Variants in TRIM67 observed in about 807,000 individuals in gnomAD.
The protein encoded by TRIM67 is tripartite motif-containing protein 67.
In TRIM67, 39 loss-of-function variants were observed where a neutral mutation model predicts 71.0. The observed-to-expected ratio is 0.55, with a 90% confidence interval of 0.43 to 0.72. The LOEUF (loss-of-function observed/expected upper bound fraction) is 0.72. Among genes scored for constraint, TRIM67 ranks in the 30% least tolerant of loss-of-function variants. The probability of loss-of-function intolerance (pLI) is 0.00; values close to 1 mark genes in which losing one functional copy is unlikely to be tolerated. For synonymous variants in TRIM67, 481 were observed against 473.9 expected, an observed-to-expected ratio of 1.01 and a Z score of -0.19; for missense variants, 973 against 1,079.2, an observed-to-expected ratio of 0.90 and a Z score of 1.38.
rs1683072090 is a variant in TRIM67 at position 231,186,234 on chromosome 1, A to G, written c.1045-11137A>G. On this transcript the variant is annotated intron_variant, in intron 1 of 9. Coordinates refer to ENST00000366653, the MANE Select transcript of TRIM67 (RefSeq NM_001004342.5). The stretch of plus-strand genomic sequence containing the variant: ...AAGGGCCAGAAGGAGAGACAAGAGT[A>G]CATTCTGGCAAAAGCAGGATTTCTT... 2.9e-6 allele frequency: 4 copies of G among 1,376,576 alleles called. No homozygotes were observed. In the African/African-American group the frequency reaches 4.4e-5, roughly 15 times the overall value. The allele number at this position is 1,376,576 out of a possible 1,614,324, so 85.3% of individuals were successfully genotyped here.
intron 1 of TRIM67, chr1:231,185,257 C>T (rs1326759805): frequency 1.3e-6 from 2 of 1,525,510 alleles, no homozygotes; most frequent in Non-Finnish European, 8.8e-7. Flanking sequence ...GGAGTCTCCC[C>T]TCACCCCTGG....
Position 231,169,993 on chromosome 1 carries a change from C to CTTTTTTTTTTTTTTTT in TRIM67, c.1044+5990_1044+5991insTTTTTTTTTTTTTTTT, listed in dbSNP as rs369558747. ...CTTTAAAATGTTTTTTTCTTTCTCT[C>CTTTTTTTTTTTTTTTT]TTTTTTTTTTGAGTTGGAGTTTCAC... On this transcript the variant is annotated intron_variant, in intron 1 of 9. Transcript: ENST00000366653. Among the ~76,000 whole-genome samples the CTTTTTTTTTTTTTTTT allele has an allele frequency of 3.3e-4, 45 of 136,122 alleles. 1 individual carries two copies. Among genetic ancestry groups the CTTTTTTTTTTTTTTTT allele is most frequent in the African/African-American group, 1.2e-3 (37 of 30,938 alleles). 89.3% of individuals were successfully genotyped at this position (136,122 alleles called of 152,430 possible).
chr1:231,192,867 C>A lies in TRIM67; in HGVS notation c.1045-4504C>A, dbSNP rs558089664. On this transcript the variant is annotated intron_variant, in intron 1 of 9. Coordinates refer to ENST00000366653, the MANE Select transcript of TRIM67 (RefSeq NM_001004342.5). The stretch of plus-strand genomic sequence containing the variant: ...GACCTGGAAGCAGTGTCCGCTGAAC[C>A]GTGAGACTGTCCCCCTTTCAGCCAG... 1.5e-3 allele frequency among the ~76,000 whole-genome samples: 233 copies of A among 152,336 alleles called. 1 individual carries two copies. Among genetic ancestry groups the A allele is most frequent in the Admixed American group, 4.1e-3 (62 of 15,304 alleles).
chr1:231,175,012 A>G (rs1682708342), intron 1 of TRIM67, among the ~76,000 whole-genome samples: 1 of 152,214 alleles, frequency 6.6e-6, no homozygotes, highest in Admixed American at 6.5e-5. Context: ...TGTTTGGATC[A>G]AGAAACAGAG....
intron 1 of TRIM67, among the ~76,000 whole-genome samples, chr1:231,188,156 C>A (rs1683136414): frequency 6.6e-6 from 1 of 152,156 alleles, no homozygotes; most frequent in Non-Finnish European, 1.5e-5. Context: ...CTATTCAAGG[C>A]AGTCTTGGTT....
chr1:231,215,997 C>T lies in TRIM67; in HGVS notation c.*557C>T. The stretch of plus-strand genomic sequence containing the variant: ...GCACCTGCCACTTGCAGACCCAATG[C>T]AGGATTGATAGAAAGGGACATTAAT... On this transcript the variant is annotated 3_prime_UTR_variant, in exon 10 of 10. Transcript: ENST00000366653. 1.0e-6 allele frequency: 1 copy of T among 985,790 alleles called. No individual in the cohort carries two copies. Among genetic ancestry groups the T allele is most frequent in the Non-Finnish European group, 1.2e-6 (1 of 830,214 alleles). 61.1% of individuals were successfully genotyped at this position (985,790 alleles called of 1,614,324 possible).
intron 5 of TRIM67, among the ~76,000 whole-genome samples, chr1:231,201,939 G>A (rs1683536708): frequency 6.6e-6 from 1 of 152,258 alleles, no homozygotes. Flanking sequence ...TTGGATGGTG[G>A]CAGGTGCTAT....
In TRIM67 at chr1:231,209,267, T is replaced by C; in HGVS notation, c.2123+17T>C. ...CACCAACAGGTGCGATTGGGCCCCA[T>C]CCTGCCTCCCGTGGACACAGGTTGT... is the stretch of plus-strand genomic sequence containing the variant. On this transcript the variant is annotated intron_variant, in intron 8 of 9. Transcript: ENST00000366653. This position sits in a 1 kb window ranked among gnomAD's most constrained non-coding sequence, Gnocchi z 4.1. 1 of 1,522,942 alleles carries C rather than the reference T, an allele frequency of 6.6e-7. No individual in the cohort carries two copies. The highest frequency in any genetic ancestry group is 8.9e-7 in the Non-Finnish European group (1 of 1,129,882). 94.3% of individuals were successfully genotyped at this position (1,522,942 alleles called of 1,614,324 possible).
chr1:231,199,242 G>A (rs1683456441), intron 3 of TRIM67, 73 bp downstream of exon 3: 6 of 1,440,244 alleles, frequency 4.2e-6, no homozygotes, highest in South Asian at 2.3e-5. Context: ...GGAGCACAGA[G>A]TAGGCACTGG....
chr1:231,216,156 TTCTC>T lies in TRIM67; in HGVS notation c.*720_*723del. The T allele has an allele frequency of 1.0e-6, 1 of 957,640 alleles. No homozygotes were observed. Among genetic ancestry groups the T allele is most frequent in the Non-Finnish European group, 1.2e-6 (1 of 805,960 alleles). The allele number at this position is 957,640 out of a possible 1,614,324, so 59.3% of individuals were successfully genotyped here. Reference sequence around the variant, plus strand: ...ATTTCTTCTCCCTCCCTCCTTCTCTTTCTCTCTTCTTCTCTCTCTCCTTCCTTCC... The same window carrying T: ...ATTTCTTCTCCCTCCCTCCTTCTCTTTCTTCTTCTCTCTCTCCTTCCTTCC... On this transcript the variant is annotated 3_prime_UTR_variant, in exon 10 of 10. Transcript: ENST00000366653.
chr1:231,218,000 C>T lies in TRIM67; in HGVS notation c.*2560C>T, dbSNP rs1366299743. The T allele has an allele frequency of 1.4e-5, 17 of 1,203,752 alleles. No homozygotes were observed. The highest frequency in any genetic ancestry group is 6.5e-5 in the Admixed American group (2 of 30,778). The allele number at this position is 1,203,752 out of a possible 1,614,324, so 74.6% of individuals were successfully genotyped here. ...CTCCTCCAGGAGCCCAGAAGCAATA[C>T]GGCCGATGCCAGGGACAGCATCCAG... On this transcript the variant is annotated 3_prime_UTR_variant, in exon 10 of 10. Coordinates refer to ENST00000366653, the MANE Select transcript of TRIM67 (RefSeq NM_001004342.5).
At chr1:231,185,518 G>A (rs1683046083) in intron 1 of TRIM67, among the ~76,000 whole-genome samples, 1 of 151,840 alleles carries the variant, frequency 6.6e-6, no homozygotes, top group South Asian at 2.1e-4. Context: ...TCGAGAGTGA[G>A]AAGTGGGATC....
chr1:231,180,953 GTTTT>G (rs565323542), intron 1 of TRIM67, among the ~76,000 whole-genome samples: 1,392 of 64,930 alleles, frequency 0.021, 20 homozygotes, highest in African/African-American at 0.11. Context: ...TCAGGAGAAG[GTTTT>G]TTTGTTTGTT....
At chr1:231,204,308 G>A (rs1571898534) in intron 6 of TRIM67, among the ~76,000 whole-genome samples, 1 of 152,132 alleles carries the variant, frequency 6.6e-6, no homozygotes, top group Admixed American at 6.5e-5. Flanking sequence ...TTCCCTCAAC[G>A]GGTTTTGTCA....
At chr1:231,214,225 C>T (rs961218187) in intron 9 of TRIM67, among the ~76,000 whole-genome samples, 4 of 152,136 alleles carry the variant, frequency 2.6e-5, no homozygotes, top group Admixed American at 6.5e-5. Context: ...GAGCTCAGTC[C>T]CTGGGGAGTG....
Position 231,220,174 on chromosome 1 carries a change from T to TG in TRIM67, c.*4734_*4735insG. On this transcript the variant is annotated 3_prime_UTR_variant, in exon 10 of 10. Coordinates refer to ENST00000366653, the MANE Select transcript of TRIM67 (RefSeq NM_001004342.5). ...CAGTGACTCAAACCTGTGGGGGGCG[T>TG]TCCAGTGTTCTCTGACCAGTGTCTT... 1 of 370,438 alleles carries TG rather than the reference T, an allele frequency of 2.7e-6. No homozygotes were observed. The highest frequency in any genetic ancestry group is 5.2e-6 in the Non-Finnish European group (1 of 192,862). The allele number at this position is 370,438 out of a possible 1,614,324, so 22.9% of individuals were successfully genotyped here.
At position 231,216,194 on chromosome 1, in the gene TRIM67, C is replaced by T. The variant is rs1684008936; in HGVS notation, c.*754C>T. 3.1e-5 allele frequency: 29 copies of T among 950,630 alleles called. No homozygotes were observed. The highest frequency in any genetic ancestry group is 3.6e-5 in the Non-Finnish European group (29 of 798,864). 58.9% of individuals were successfully genotyped at this position (950,630 alleles called of 1,614,324 possible). On this transcript the variant is annotated 3_prime_UTR_variant, in exon 10 of 10. Coordinates refer to ENST00000366653, the MANE Select transcript of TRIM67 (RefSeq NM_001004342.5). ...TCTCTCTCCTTCCTTCCCTCCTTTG[C>T]TCTCTCTTTCTTCCTTTCCTCCTTC... is the stretch of plus-strand genomic sequence containing the variant.
chr1:231,214,397 C>T (rs913715413), intron 9 of TRIM67, among the ~76,000 whole-genome samples: 2 of 152,154 alleles, frequency 1.3e-5, no homozygotes, highest in African/African-American at 4.8e-5. Context: ...GTTTTGTGGC[C>T]CTGAATATTG....
At chr1:231,185,374 G>A in intron 1 of TRIM67, 2 of 812,374 alleles carry the variant, frequency 2.5e-6, no homozygotes, top group Non-Finnish European at 3.8e-6. Context: ...AAGTGGGGAA[G>A]AATCTAAAAC....
Sources: allele counts gnomAD v4.1 joint callset (sites outside exome capture counted in the v4.1 genomes callset), GRCh38; gene constraint gnomAD v4.1.1; non-coding constraint Gnocchi (gnomAD v3.1); transcripts MANE v1.5; gene names NCBI Gene and HGNC (gene_info 2026-07-23, HGNC 2026-07-21).